RBFOX1: variants seen among roughly 807,000 people sequenced by gnomAD.
The protein encoded by RBFOX1 is RNA binding fox-1 homolog 1.
RBFOX1 carries 8 observed loss-of-function variants against 57.7 expected under a neutral mutation model. That is an observed-to-expected ratio of 0.14 (90% CI 0.08 to 0.25). The LOEUF (loss-of-function observed/expected upper bound fraction) is 0.25, where lower values mean the gene tolerates loss of function less well. Ranked by LOEUF, RBFOX1 falls within the 10% of genes least tolerant of loss-of-function variation. The pLI is 1.00. For synonymous variants in RBFOX1, 326 were observed against 222.4 expected (o/e 1.47, Z -4.15); for missense variants, 611 against 548.5 (o/e 1.11, Z -1.14).
chr16:5,711,695 G>C (rs1316291589), intron 3 of RBFOX1, among the ~76,000 whole-genome samples: 3 of 152,128 alleles, frequency 2.0e-5, no homozygotes, highest in Non-Finnish European at 4.4e-5. Context: ...GAATTTTTTG[G>C]TCTTTACTCT....
intron 1 of RBFOX1, among the ~76,000 whole-genome samples, chr16:6,204,536 A>G (rs907037076): frequency 2.0e-5 from 3 of 152,222 alleles, no homozygotes; most frequent in African/African-American, 7.2e-5. Flanking sequence ...AGAAATTGGA[A>G]CTAATGTTCT....
intron 3 of RBFOX1, among the ~76,000 whole-genome samples, chr16:6,765,262 C>T (rs1442747547): frequency 6.6e-6 from 1 of 152,168 alleles, no homozygotes; most frequent in South Asian, 2.1e-4. Context: ...AGGCCAAGAT[C>T]TGGGTTTGAT....
At chr16:6,298,192 C>T (rs909824249) in intron 1 of RBFOX1, among the ~76,000 whole-genome samples, 1 of 152,176 alleles carries the variant, frequency 6.6e-6, no homozygotes, top group African/African-American at 2.4e-5. Flanking sequence ...TGAGCAGTGG[C>T]AGCAATTGAA....
At chr16:6,388,858 A>G (rs2092443559) in intron 2 of RBFOX1, among the ~76,000 whole-genome samples, 1 of 152,216 alleles carries the variant, frequency 6.6e-6, no homozygotes, top group African/African-American at 2.4e-5. Flanking sequence ...CATCTCAGTA[A>G]TATGTGGAAT....
At chr16:7,217,959 T>G (rs931002777) in intron 4 of RBFOX1, among the ~76,000 whole-genome samples, 1 of 151,738 alleles carries the variant, frequency 6.6e-6, no homozygotes, top group Non-Finnish European at 1.5e-5. Flanking sequence ...TGTGCACATG[T>G]GTACCTGTGT....
At chr16:6,984,937 G>T (rs889176548) in intron 3 of RBFOX1, among the ~76,000 whole-genome samples, 1 of 152,042 alleles carries the variant, frequency 6.6e-6, no homozygotes, top group East Asian at 1.9e-4. Flanking sequence ...CATTGCACCC[G>T]GTACCTTCTT....
At chr16:6,452,443 C>T (rs377733032) in intron 2 of RBFOX1, among the ~76,000 whole-genome samples, 3 of 152,100 alleles carry the variant, frequency 2.0e-5, no homozygotes, top group South Asian at 2.1e-4. Context: ...TGACTCCATC[C>T]ATGGCCCCTT....
intron 3 of RBFOX1, among the ~76,000 whole-genome samples, chr16:5,856,601 ATAT>A (rs1305809576): frequency 0.014 from 1,527 of 107,270 alleles, 201 homozygotes; most frequent in Non-Finnish European, 0.019. Context: ...ATATATATAT[ATAT>A]AATCTTAGCC....
At chr16:7,220,063 G>A (rs969817631) in intron 4 of RBFOX1, among the ~76,000 whole-genome samples, 1 of 152,188 alleles carries the variant, frequency 6.6e-6, no homozygotes, top group Non-Finnish European at 1.5e-5. Flanking sequence ...GAGTTGCATT[G>A]TTTGACCTTA....
chr16:7,371,055 C>T (rs1320990836), intron 4 of RBFOX1, among the ~76,000 whole-genome samples: 1 of 152,140 alleles, frequency 6.6e-6, no homozygotes, highest in Non-Finnish European at 1.5e-5. Flanking sequence ...TTTTGTTCTC[C>T]TCTCCTCTAA....
intron 2 of RBFOX1, among the ~76,000 whole-genome samples, chr16:5,506,926 C>G (rs906129115): frequency 7.9e-5 from 12 of 152,136 alleles, no homozygotes; most frequent in Admixed American, 7.2e-4. Flanking sequence ...GTCCCCCCTA[C>G]TAGTCTTTCT....
intron 3 of RBFOX1, among the ~76,000 whole-genome samples, chr16:6,880,830 G>A (rs888489568): frequency 3.9e-5 from 6 of 152,194 alleles, no homozygotes; most frequent in Non-Finnish European, 8.8e-5. Context: ...ATATATAAAT[G>A]TGTTGGAATT....
chr16:6,341,664 G>C (rs1450944815), intron 2 of RBFOX1, among the ~76,000 whole-genome samples: 1 of 151,358 alleles, frequency 6.6e-6, no homozygotes, highest in Non-Finnish European at 1.5e-5. Context: ...TTGTTATGCT[G>C]TATATAAACA....
At chr16:5,694,607 G>A (rs764813553) in intron 3 of RBFOX1, among the ~76,000 whole-genome samples, 4 of 152,028 alleles carry the variant, frequency 2.6e-5, no homozygotes, top group Non-Finnish European at 5.9e-5. Flanking sequence ...ACTGTGCTAG[G>A]GTTTGGGTTA....
chr16:6,954,356 G>A (rs775627140), intron 3 of RBFOX1, among the ~76,000 whole-genome samples: 14 of 152,100 alleles, frequency 9.2e-5, no homozygotes, highest in Non-Finnish European at 1.5e-4. Flanking sequence ...TTACAATAAC[G>A]GTCTTCCATC....
rs143860744 is a variant in RBFOX1 at position 7,571,726 on chromosome 16, G to A, written c.271-8051G>A. On this transcript the variant is annotated intron_variant, in intron 5 of 15. Coordinates refer to ENST00000550418, the MANE Select transcript of RBFOX1 (RefSeq NM_018723.4). Reference sequence around the variant, plus strand: ...AGGGAAGCTCTGCCAAGTGCCGCCTGGAAACCCACCTCTTGGGGTTAATGG... The same window carrying A: ...AGGGAAGCTCTGCCAAGTGCCGCCTAGAAACCCACCTCTTGGGGTTAATGG... 3.5e-3 allele frequency among the ~76,000 whole-genome samples: 529 copies of A among 152,304 alleles called. 2 individuals are homozygous for A. The highest frequency in any genetic ancestry group is 0.012 in the African/African-American group (504 of 41,586).
chr16:6,618,396 T>C (rs1276021780), intron 2 of RBFOX1, among the ~76,000 whole-genome samples: 1 of 152,172 alleles, frequency 6.6e-6, no homozygotes, highest in Non-Finnish European at 1.5e-5. Context: ...GTAGGGACTG[T>C]CATTATTTAT....
At chr16:6,187,921 C>T (rs367588348) in intron 1 of RBFOX1, among the ~76,000 whole-genome samples, 3 of 152,114 alleles carry the variant, frequency 2.0e-5, no homozygotes, top group East Asian at 1.9e-4. Context: ...TGCACATGTG[C>T]GTGCATATGT....
chr16:6,804,778 C>G lies in RBFOX1; in HGVS notation c.-16+150128C>G, dbSNP rs117642876. 3.3e-4 allele frequency among the ~76,000 whole-genome samples: 51 copies of G among 152,270 alleles called. No individual in the cohort carries two copies. In the East Asian group the frequency reaches 7.7e-3, roughly 23 times the overall value. On this transcript the variant is annotated intron_variant, in intron 3 of 15. Coordinates refer to ENST00000550418, the MANE Select transcript of RBFOX1 (RefSeq NM_018723.4). ...GACGCAGTGGATTGGGGGCCGTTCC[C>G]TACTCTATTGCCAAGTATGTGCATT...
Sources: allele counts gnomAD v4.1 joint callset (sites outside exome capture counted in the v4.1 genomes callset), GRCh38; gene constraint gnomAD v4.1.1; transcripts MANE v1.5; gene names NCBI Gene and HGNC (gene_info 2026-07-23, HGNC 2026-07-21).